NRG1: variants seen among roughly 807,000 people sequenced by gnomAD.
NRG1 encodes pro-neuregulin-1, membrane-bound isoform.
In NRG1, 18 loss-of-function variants were observed where a neutral mutation model predicts 63.8. The ratio of observed to expected loss-of-function variants is 0.28; its 90% CI spans 0.19 to 0.42. NRG1 has a LOEUF of 0.42. Among genes scored for constraint, NRG1 ranks in the 10% least tolerant of loss-of-function variants. The pLI is 1.00. For synonymous variants in NRG1, 302 were observed against 301.3 expected (o/e 1.00, Z -0.02); for missense variants, 762 against 814.7 (o/e 0.94, Z 0.79).
At position 32,340,880 on chromosome 8, in the gene NRG1, AT is replaced by A. The variant is rs1803991526; in HGVS notation, c.38-254941del. ...TGTTTCATGGAACACAGCCATGCCC[AT>A]TTTTTTATGCACTGCCTGTTGCTGC... On this transcript the variant is annotated intron_variant, in intron 1 of 10. Coordinates refer to the NRG1 transcript ENST00000519301. Among the ~76,000 whole-genome samples the A allele has an allele frequency of 2.0e-5, 3 of 152,076 alleles. No homozygotes were observed. In the South Asian group the frequency reaches 6.2e-4, roughly 31 times the overall value.
chr8:31,741,074 G>A (rs1024607066), intron 1 of NRG1, among the ~76,000 whole-genome samples: 4 of 152,108 alleles, frequency 2.6e-5, no homozygotes, highest in Middle Eastern at 3.4e-3. Flanking sequence ...GCAGCAACAT[G>A]GATGTAGCTG....
At chr8:32,647,376 T>C in intron 5 of NRG1, 1 of 985,406 alleles carries the variant, frequency 1.0e-6, no homozygotes, top group Non-Finnish European at 1.2e-6. Flanking sequence ...CAGTTTGGGC[T>C]ACTGGTTTAC....
intron 5 of NRG1, among the ~76,000 whole-genome samples, chr8:32,672,984 T>C (rs1413163208): frequency 6.6e-6 from 1 of 152,244 alleles, no homozygotes; most frequent in Non-Finnish European, 1.5e-5. Context: ...AACAAGAATG[T>C]GCAGATTATT....
At chr8:31,944,050 T>C (rs1369502432) in intron 1 of NRG1, among the ~76,000 whole-genome samples, 1 of 152,230 alleles carries the variant, frequency 6.6e-6, no homozygotes, top group Non-Finnish European at 1.5e-5. Flanking sequence ...CATTGATTTC[T>C]TTATCTCTTT....
chr8:31,749,705 G>A (rs998056774), intron 1 of NRG1, among the ~76,000 whole-genome samples: 3 of 148,370 alleles, frequency 2.0e-5, no homozygotes, highest in African/African-American at 5.0e-5. Context: ...GACAAGAAAC[G>A]GGGCAAGGAT....
At chr8:32,460,443 C>T (rs1368601710) in intron 1 of NRG1, among the ~76,000 whole-genome samples, 1 of 152,210 alleles carries the variant, frequency 6.6e-6, no homozygotes, top group Non-Finnish European at 1.5e-5. Context: ...AAGTACCTGT[C>T]AGAGTTTACA....
intron 1 of NRG1, among the ~76,000 whole-genome samples, chr8:32,083,817 GTTCAATT>G (rs1827850665): frequency 1.3e-5 from 2 of 152,038 alleles, no homozygotes; most frequent in African/African-American, 4.8e-5. Flanking sequence ...ATATATTGTA[GTTCAATT>G]GGATATTTAC....
At chr8:31,985,139 C>CT in intron 1 of NRG1, among the ~76,000 whole-genome samples, 1 of 151,972 alleles carries the variant, frequency 6.6e-6, no homozygotes, top group Non-Finnish European at 1.5e-5. Flanking sequence ...GGTTCGTAAT[C>CT]TGTTTTTAGA....
chr8:32,638,647 T>C (rs1430183082), intron 5 of NRG1, among the ~76,000 whole-genome samples: 2 of 152,206 alleles, frequency 1.3e-5, no homozygotes, highest in East Asian at 3.9e-4. Context: ...CAAGTCATTC[T>C]TAAACAAATC....
intron 1 of NRG1, among the ~76,000 whole-genome samples, chr8:32,292,746 T>G (rs1468134388): frequency 6.6e-6 from 1 of 152,176 alleles, no homozygotes; most frequent in Non-Finnish European, 1.5e-5. Flanking sequence ...TTGAGAGACA[T>G]TTATGAAGTA....
intron 1 of NRG1, among the ~76,000 whole-genome samples, chr8:31,862,479 G>T (rs1468896488): frequency 6.6e-6 from 1 of 152,038 alleles, no homozygotes; most frequent in Non-Finnish European, 1.5e-5. Context: ...TTTGATATTT[G>T]TACTTTTTCT....
intron 1 of NRG1, among the ~76,000 whole-genome samples, chr8:31,657,576 T>G (rs1805551011): frequency 6.6e-6 from 1 of 152,218 alleles, no homozygotes; most frequent in Non-Finnish European, 1.5e-5. Context: ...TGATTTTTAG[T>G]GTGCACTTAA....
chr8:32,690,356 C>T (rs891692064), intron 5 of NRG1, among the ~76,000 whole-genome samples: 3 of 151,954 alleles, frequency 2.0e-5, no homozygotes, highest in Non-Finnish European at 4.4e-5. Context: ...GCAGCTTCAG[C>T]GACTCCTCCA....
chr8:32,600,984 G>T (rs538388543), intron 2 of NRG1, among the ~76,000 whole-genome samples: 3 of 152,060 alleles, frequency 2.0e-5, no homozygotes, highest in Non-Finnish European at 2.9e-5. Context: ...GAAGACTGTT[G>T]TATCCATACT....
At chr8:32,656,168 T>G (rs934705025) in intron 5 of NRG1, among the ~76,000 whole-genome samples, 1 of 152,118 alleles carries the variant, frequency 6.6e-6, no homozygotes, top group Non-Finnish European at 1.5e-5. Context: ...AATTCATACA[T>G]ATAATATTCT....
intron 1 of NRG1, among the ~76,000 whole-genome samples, chr8:31,904,351 T>C (rs1832344470): frequency 6.6e-6 from 1 of 152,138 alleles, no homozygotes; most frequent in African/African-American, 2.4e-5. Flanking sequence ...TTGTACCATC[T>C]CATGCCAGTC....
Position 32,685,254 on chromosome 8 carries a change from C to A in NRG1, c.503-42695C>A, listed in dbSNP as rs923180761. On this transcript the variant is annotated intron_variant, in intron 5 of 11. Coordinates refer to ENST00000356819, the Ensembl canonical transcript of NRG1. ...ACTAGAGAGTCAATATGCCTGAATT[C>A]ATATCTCAGCTCTGCCACCATCACT... 9.9e-5 allele frequency among the ~76,000 whole-genome samples: 15 copies of A among 152,100 alleles called. 1 individual carries two copies. Among genetic ancestry groups the A allele is most frequent in the African/African-American group, 3.6e-4 (15 of 41,414 alleles).
At chr8:32,452,903 A>T (rs1050558920) in intron 1 of NRG1, among the ~76,000 whole-genome samples, 2 of 152,212 alleles carry the variant, frequency 1.3e-5, no homozygotes, top group African/African-American at 4.8e-5. Flanking sequence ...ACAAATAGAC[A>T]TCATTCCCAT....
intron 1 of NRG1, among the ~76,000 whole-genome samples, chr8:32,152,706 G>T: frequency 6.6e-6 from 1 of 152,116 alleles, no homozygotes; most frequent in Non-Finnish European, 1.5e-5. Context: ...AAGAGTGACT[G>T]CTGAACTGGT....
Sources: gnomAD v4.1 joint callset for allele counts (sites outside exome capture counted in the v4.1 genomes callset) on GRCh38, gnomAD v4.1.1 for gene constraint, MANE v1.5 for transcripts, NCBI Gene and HGNC (gene_info 2026-07-23, HGNC 2026-07-21) for gene names.